Variants in PTPRM observed in about 807,000 individuals in gnomAD.
PTPRM encodes receptor-type tyrosine-protein phosphatase mu.
A neutral mutation model predicts 186.7 loss-of-function variants in PTPRM; 47 were observed. The observed-to-expected ratio is 0.25, with a 90% CI of 0.20 to 0.32. PTPRM has a LOEUF of 0.32. Ranked by LOEUF, PTPRM falls within the 10% of genes least tolerant of loss-of-function variation. The pLI, the probability that PTPRM is intolerant of heterozygous loss-of-function variation, is 1.00. For missense variants in PTPRM, 1,494 were observed against 1,865.0 expected (o/e 0.80, Z 3.66); for synonymous variants, 668 against 674.9 (o/e 0.99, Z 0.16).
At chr18:8,063,690 CGTA>C (rs994332399) in intron 7 of PTPRM, among the ~76,000 whole-genome samples, 2 of 151,886 alleles carry the variant, frequency 1.3e-5, no homozygotes, top group Non-Finnish European at 1.5e-5. Flanking sequence ...GGATATATGG[CGTA>C]GTGGTGAAGT....
Position 8,344,248 on chromosome 18 carries a change from G to T in PTPRM, c.3054+728G>T, listed in dbSNP as rs546384407. Among the ~76,000 whole-genome samples, 115 of 152,130 alleles carry T rather than the reference G, an allele frequency of 7.6e-4. 1 individual carries two copies. The highest frequency in any genetic ancestry group is 7.5e-4 in the Non-Finnish European group (51 of 67,990). ...TGCCCTCAGCAAAGGCAGCCTAGAGGTTATCCTAGAATTGAAACAGTGAGA... is the reference window on the plus strand; with the variant it reads ...TGCCCTCAGCAAAGGCAGCCTAGAGTTTATCCTAGAATTGAAACAGTGAGA... On this transcript the variant is annotated intron_variant, in intron 23 of 32. Coordinates refer to ENST00000580170, the MANE Select transcript of PTPRM (RefSeq NM_001105244.2).
chr18:7,739,723 TA>T (rs1568066332), intron 1 of PTPRM, among the ~76,000 whole-genome samples: 2 of 152,124 alleles, frequency 1.3e-5, no homozygotes, highest in African/African-American at 4.8e-5. Context: ...CCTTGGGGCT[TA>T]GACAGTCTCC....
At chr18:8,086,305 T>C (rs2090432584) in intron 10 of PTPRM, among the ~76,000 whole-genome samples, 1 of 152,098 alleles carries the variant, frequency 6.6e-6, no homozygotes, top group Non-Finnish European at 1.5e-5. Context: ...GAAACTTCTG[T>C]CCTGAAGAGA....
intron 2 of PTPRM, among the ~76,000 whole-genome samples, chr18:7,859,598 C>G (rs760653121): frequency 7.9e-5 from 12 of 152,242 alleles, no homozygotes; most frequent in Non-Finnish European, 1.6e-4. Context: ...TCCCATAACC[C>G]TGGCCTGCAT....
chr18:8,368,743 C>G (rs1187854689), intron 23 of PTPRM, among the ~76,000 whole-genome samples: 3 of 152,172 alleles, frequency 2.0e-5, no homozygotes, highest in Admixed American at 6.5e-5. Context: ...TGTAAACTTT[C>G]CCAGTCTGGG....
chr18:8,142,790 C>A (rs1270069805), intron 13 of PTPRM, among the ~76,000 whole-genome samples: 1 of 152,182 alleles, frequency 6.6e-6, no homozygotes, highest in Non-Finnish European at 1.5e-5. Context: ...AGCCCTTTTA[C>A]AAAGGAGTCT....
At chr18:8,354,614 T>A (rs2095553957) in intron 23 of PTPRM, among the ~76,000 whole-genome samples, 1 of 47,846 alleles carries the variant, frequency 2.1e-5, no homozygotes, top group African/African-American at 4.7e-5. Context: ...TTCCTATTTT[T>A]AAACTAAGTA....
chr18:8,125,089 C>T (rs2092296213), intron 13 of PTPRM, among the ~76,000 whole-genome samples: 1 of 151,636 alleles, frequency 6.6e-6, no homozygotes, highest in Admixed American at 6.6e-5. Flanking sequence ...CTGTGCCAGG[C>T]ATGATAGCCA....
At chr18:8,295,738 A>C (rs1051654968) in intron 19 of PTPRM, among the ~76,000 whole-genome samples, 8 of 152,226 alleles carry the variant, frequency 5.3e-5, no homozygotes, top group African/African-American at 1.9e-4. Flanking sequence ...CACTGAGAGT[A>C]GGGGACATTT....
intron 19 of PTPRM, among the ~76,000 whole-genome samples, chr18:8,290,360 T>C (rs931345917): frequency 6.6e-6 from 1 of 152,188 alleles, no homozygotes; most frequent in Admixed American, 6.5e-5. Context: ...TTGACCTGCA[T>C]CCCTTTCTTT....
intron 15 of PTPRM, 35 bp downstream of exon 15, chr18:8,244,244 T>A: frequency 6.8e-7 from 1 of 1,480,336 alleles, no homozygotes; most frequent in Non-Finnish European, 8.9e-7. Flanking sequence ...CTAACACATC[T>A]CCTTGGTTTT....
intron 2 of PTPRM, among the ~76,000 whole-genome samples, chr18:7,879,715 C>T (rs2146268784): frequency 6.6e-6 from 1 of 152,150 alleles, no homozygotes; most frequent in South Asian, 2.1e-4. Context: ...ATGAGCTGTG[C>T]TTATTAATTT....
intron 11 of PTPRM, among the ~76,000 whole-genome samples, chr18:8,107,892 G>A (rs2091593547): frequency 6.6e-6 from 1 of 152,188 alleles, no homozygotes. Flanking sequence ...AATCTGAGCA[G>A]TAATAACAAA....
intron 13 of PTPRM, among the ~76,000 whole-genome samples, chr18:8,131,385 T>C (rs966011802): frequency 2.6e-5 from 4 of 152,250 alleles, no homozygotes; most frequent in Admixed American, 6.5e-5. Flanking sequence ...TTGGCAATGA[T>C]AAGCAATGCT....
rs1257123552 is a variant in PTPRM, at chr18:7,969,507, A to G, written c.1132+14093A>G. 4.0e-5 allele frequency among the ~76,000 whole-genome samples: 6 copies of G among 149,520 alleles called. 1 individual carries two copies. Among genetic ancestry groups the G allele is most frequent in the South Asian group, 2.2e-4 (1 of 4,642 alleles). The stretch of plus-strand genomic sequence containing the variant: ...ACACAAAAAACCCTTCAAAAAATCA[A>G]TGAATCCAGGAGCTTGTTTTTTGAA... On this transcript the variant is annotated intron_variant, in intron 7 of 32. Transcript: ENST00000580170.
At chr18:7,804,625 T>C (rs1371808697) in intron 2 of PTPRM, among the ~76,000 whole-genome samples, 4 of 152,234 alleles carry the variant, frequency 2.6e-5, no homozygotes, top group African/African-American at 9.6e-5. Context: ...TGTACATGTC[T>C]ATGTTCTGTC....
rs146464119 is a variant in PTPRM, at chr18:7,857,398, T to C, written c.197-30708T>C. 1.6e-3 allele frequency among the ~76,000 whole-genome samples: 241 copies of C among 152,292 alleles called. 2 individuals are homozygous for C. The highest frequency in any genetic ancestry group is 5.6e-3 in the African/African-American group (231 of 41,560). The stretch of plus-strand genomic sequence containing the variant: ...TGTAGTCTAATAAAGTGCTAACAGG[T>C]AACCTTTCGATACAGCTGGGATGCT... On this transcript the variant is annotated intron_variant, in intron 2 of 32. Transcript: ENST00000580170.
chr18:8,178,303 C>A (rs893172055), intron 14 of PTPRM, among the ~76,000 whole-genome samples: 1 of 152,176 alleles, frequency 6.6e-6, no homozygotes, highest in Non-Finnish European at 1.5e-5. Flanking sequence ...AGACTAGAAT[C>A]TTTTAACAGG....
At chr18:7,659,887 T>A (rs1375498681) in intron 1 of PTPRM, among the ~76,000 whole-genome samples, 3 of 152,188 alleles carry the variant, frequency 2.0e-5, no homozygotes, top group Non-Finnish European at 4.4e-5. Flanking sequence ...ATTTTGACTT[T>A]CTTGCCTCAT....
Sources: allele counts gnomAD v4.1 joint callset (sites outside exome capture counted in the v4.1 genomes callset), GRCh38; gene constraint gnomAD v4.1.1; transcripts MANE v1.5; gene names NCBI Gene and HGNC (gene_info 2026-07-23, HGNC 2026-07-21).